The following TSHR variants were observed in gnomAD, a reference collection of about 807,000 sequenced individuals.
TSHR encodes thyrotropin receptor.
Under a neutral mutation model 64.1 loss-of-function variants are expected in TSHR, and 51 were observed. The observed-to-expected ratio is 0.80, with a 90% CI of 0.64 to 1.01. The LOEUF is 1.01. Among genes scored for constraint, TSHR ranks in the 50% least tolerant of loss-of-function variants. The pLI is 0.00. For missense variants in TSHR, 877 were observed against 942.8 expected, an observed-to-expected ratio of 0.93 and a Z score of 0.91; for synonymous variants, 361 against 361.9, an observed-to-expected ratio of 1.00 and a Z score of 0.03.
Position 81,015,987 on chromosome 14 carries a change from T to C in TSHR, c.171-46161T>C, listed in dbSNP as rs113171715. 4.8e-3 allele frequency among the ~76,000 whole-genome samples: 724 copies of C among 152,284 alleles called. 6 individuals are homozygous for C. The highest frequency in any genetic ancestry group is 0.015 in the African/African-American group (618 of 41,566). The stretch of plus-strand genomic sequence containing the variant: ...TTTTTAAGACTGAGTAGTATTCTAT[T>C]GTGTATATGTGCCACTTAAAAAAAA... On this transcript the variant is annotated intron_variant, in intron 1 of 9. Coordinates refer to ENST00000298171, the MANE Select transcript of TSHR (RefSeq NM_000369.5).
chr14:80,958,592 A>G (rs1159026167), intron 1 of TSHR, among the ~76,000 whole-genome samples: 2 of 152,176 alleles, frequency 1.3e-5, no homozygotes, highest in African/African-American at 2.4e-5. Flanking sequence ...GAAGAAAGAG[A>G]GAGTGGAAGA....
At chr14:81,138,322 CTGGG>C (rs1891537949) in intron 8 of TSHR, among the ~76,000 whole-genome samples, 1 of 151,646 alleles carries the variant, frequency 6.6e-6, no homozygotes, top group Non-Finnish European at 1.5e-5. Flanking sequence ...TCCTGAGTAG[CTGGG>C]ACTACAGGCA....
intron 8 of TSHR, among the ~76,000 whole-genome samples, chr14:81,116,496 A>G (rs1890517738): frequency 7.7e-6 from 1 of 130,154 alleles, no homozygotes; most frequent in African/African-American, 3.2e-5. Context: ...CTAAATATAT[A>G]TGCACCCAAT....
chr14:81,005,843 G>C (rs145994166), intron 1 of TSHR, among the ~76,000 whole-genome samples: 1 of 152,156 alleles, frequency 6.6e-6, no homozygotes, highest in Non-Finnish European at 1.5e-5. Flanking sequence ...ATAGCGATGG[G>C]CCTTGAACAA....
chr14:81,121,745 C>G (rs1174225790), intron 8 of TSHR, among the ~76,000 whole-genome samples: 1 of 151,952 alleles, frequency 6.6e-6, no homozygotes, highest in African/African-American at 2.4e-5. Flanking sequence ...AGTTTGAGGT[C>G]GGCTTAGCCA....
At chr14:81,060,806 T>C (rs908347502) in intron 1 of TSHR, among the ~76,000 whole-genome samples, 10 of 152,128 alleles carry the variant, frequency 6.6e-5, no homozygotes, top group Admixed American at 2.6e-4. Context: ...AGAAGCTAAG[T>C]AGTATGCTGA....
chr14:81,079,340 C>G (rs531338393), intron 3 of TSHR, among the ~76,000 whole-genome samples: 1 of 152,190 alleles, frequency 6.6e-6, no homozygotes, highest in Non-Finnish European at 1.5e-5. Context: ...TGGGCCAGCA[C>G]TCCACTAAAA....
chr14:81,045,632 T>C (rs969560942), intron 1 of TSHR, among the ~76,000 whole-genome samples: 1 of 152,178 alleles, frequency 6.6e-6, no homozygotes. Context: ...TTGGTTTTTT[T>C]TCATCATCAC....
chr14:81,048,328 A>C lies in TSHR; in HGVS notation c.171-13820A>C, dbSNP rs151333241. 2.0e-4 allele frequency among the ~76,000 whole-genome samples: 31 copies of C among 152,320 alleles called. No homozygotes were observed. The East Asian group carries it at 3.9e-3, about 19-fold the overall frequency. On this transcript the variant is annotated intron_variant, in intron 1 of 9. Coordinates refer to ENST00000298171, the MANE Select transcript of TSHR (RefSeq NM_000369.5). ...GTTTTGTTATAATGTTGATGAAAAA[A>C]AACATTGATTCCTGGCCGGGATCAC...
chr14:81,028,110 G>C lies in TSHR; in HGVS notation c.171-34038G>C, dbSNP rs188159520. 2.2e-3 allele frequency among the ~76,000 whole-genome samples: 331 copies of C among 152,232 alleles called. 2 individuals are homozygous for C. Among genetic ancestry groups the C allele is most frequent in the Admixed American group, 3.0e-3 (46 of 15,290 alleles). On this transcript the variant is annotated intron_variant, in intron 1 of 9. Coordinates refer to ENST00000298171, the MANE Select transcript of TSHR (RefSeq NM_000369.5). ...GAAGAGAGACCTTACGATACATAAA[G>C]TTATATCTTACAAAGTAACAAATTA... is the stretch of plus-strand genomic sequence containing the variant.
intron 8 of TSHR, among the ~76,000 whole-genome samples, chr14:81,138,600 G>A (rs898699766): frequency 8.5e-5 from 13 of 152,082 alleles, no homozygotes; most frequent in African/African-American, 3.1e-4. Context: ...CCTCACAAGA[G>A]TAACAGTCCT....
chr14:81,054,721 T>C (rs924653681), intron 1 of TSHR, among the ~76,000 whole-genome samples: 1 of 152,046 alleles, frequency 6.6e-6, no homozygotes, highest in Non-Finnish European at 1.5e-5. Context: ...TTGAGAGAGA[T>C]GATTAGGGTA....
At chr14:80,967,283 ATTTTT>A (rs35619720) in intron 1 of TSHR, among the ~76,000 whole-genome samples, 1 of 111,878 alleles carries the variant, frequency 8.9e-6, no homozygotes, top group Admixed American at 9.9e-5. Flanking sequence ...CCTGACTTAC[ATTTTT>A]TTTTTTTTTT....
At chr14:81,035,376 A>G (rs750744267) in intron 1 of TSHR, among the ~76,000 whole-genome samples, 4 of 152,170 alleles carry the variant, frequency 2.6e-5, no homozygotes, top group African/African-American at 4.8e-5. Flanking sequence ...TCACTGGACA[A>G]GTCATGTGGT....
intron 1 of TSHR, among the ~76,000 whole-genome samples, chr14:80,976,399 A>G (rs1039664730): frequency 6.6e-6 from 1 of 152,104 alleles, no homozygotes. Context: ...CTGGGATCAC[A>G]ATTGGTACTT....
chr14:81,075,116 C>T (rs1298609912), intron 3 of TSHR, among the ~76,000 whole-genome samples: 4 of 152,156 alleles, frequency 2.6e-5, no homozygotes, highest in East Asian at 1.9e-4. Flanking sequence ...TACCAATCAC[C>T]GAGTTTCAGC....
chr14:81,037,109 T>C (rs1884664018), intron 1 of TSHR, among the ~76,000 whole-genome samples: 1 of 151,766 alleles, frequency 6.6e-6, no homozygotes, highest in Non-Finnish European at 1.5e-5. Context: ...ACCATTGTAC[T>C]CTAGCCCAGG....
At chr14:81,043,059 C>G (rs1156607903) in intron 1 of TSHR, among the ~76,000 whole-genome samples, 1 of 152,144 alleles carries the variant, frequency 6.6e-6, no homozygotes, top group Non-Finnish European at 1.5e-5. Context: ...CTCACCACTC[C>G]TATTCAACAT....
intron 8 of TSHR, among the ~76,000 whole-genome samples, chr14:81,137,888 C>T (rs187937607): frequency 1.8e-4 from 28 of 152,290 alleles, no homozygotes; most frequent in African/African-American, 5.5e-4. Flanking sequence ...GATGCTCTCC[C>T]GTTTCACTGA....
Sources: allele counts gnomAD v4.1 joint callset (sites outside exome capture counted in the v4.1 genomes callset), GRCh38; gene constraint gnomAD v4.1.1; transcripts MANE v1.5; gene names NCBI Gene and HGNC (gene_info 2026-07-23, HGNC 2026-07-21).